ARRB1: variants seen among roughly 807,000 people sequenced by gnomAD.
ARRB1 encodes the protein beta-arrestin-1.
ARRB1 carries 21 observed loss-of-function variants against 56.8 expected under a neutral mutation model. The ratio of observed to expected loss-of-function variants is 0.37; its 90% CI spans 0.26 to 0.53. ARRB1 has a LOEUF of 0.53. ARRB1 is among the 20% of genes least tolerant of loss of function. The pLI, the probability that ARRB1 is intolerant of heterozygous loss-of-function variation, is 0.88. For synonymous variants in ARRB1, 210 were observed against 218.6 expected, an observed-to-expected ratio of 0.96 and a Z score of 0.35; for missense variants, 424 against 553.7, an observed-to-expected ratio of 0.77 and a Z score of 2.35.
At chr11:75,343,588 GAGCCAC>G (rs1473065244) in intron 1 of ARRB1, among the ~76,000 whole-genome samples, 1 of 152,108 alleles carries the variant, frequency 6.6e-6, no homozygotes, top group Non-Finnish European at 1.5e-5. Flanking sequence ...ACAGATAAGG[GAGCCAC>G]AGCAGAGAAA....
At position 75,261,162 on chromosome 11, in the gene ARRB1, A is replaced by C. The variant is rs1945778552; in HGVS notation, c.*5001T>G. 6.6e-6 allele frequency: 1 copy of C among 151,258 alleles called. No individual in the cohort carries two copies. The highest frequency in any genetic ancestry group is 1.5e-5 in the Non-Finnish European group (1 of 68,336). 9.4% of individuals were successfully genotyped at this position (151,258 alleles called of 1,614,324 possible). On this transcript the variant is annotated 3_prime_UTR_variant, in exon 16 of 16. Coordinates refer to ENST00000420843, the MANE Select transcript of ARRB1 (RefSeq NM_004041.5). The stretch of plus-strand genomic sequence containing the variant: ...CAGAGCTTCAGGGTGGGTTGGCTAG[A>C]AAAACCATCAACTATGTACGTGTGT...
intron 2 of ARRB1, among the ~76,000 whole-genome samples, chr11:75,288,750 G>A (rs558665211): frequency 1.3e-5 from 2 of 151,916 alleles, no homozygotes; most frequent in South Asian, 4.2e-4. Flanking sequence ...CAAATAGCTG[G>A]AACTACAGGC....
Position 75,277,270 on chromosome 11 carries a change from A to G in ARRB1, c.703+94T>C, listed in dbSNP as rs948558704. ...GGGCTTCAGTGGCTATTTTTTATACAAGGCTGTTAACAAGGGGAGATACTT... is the reference window on the plus strand; with the variant it reads ...GGGCTTCAGTGGCTATTTTTTATACGAGGCTGTTAACAAGGGGAGATACTT... On this transcript the variant is annotated intron_variant, in intron 9 of 15. Coordinates refer to ENST00000420843, the MANE Select transcript of ARRB1 (RefSeq NM_004041.5). 28 of 1,286,386 alleles carry G rather than the reference A, an allele frequency of 2.2e-5. No individual in the cohort carries two copies. In the African/African-American group the frequency reaches 3.5e-4, roughly 16 times the overall value. 79.7% of individuals were successfully genotyped at this position (1,286,386 alleles called of 1,614,324 possible).
At chr11:75,273,902 T>C (rs1029785299) in intron 11 of ARRB1, among the ~76,000 whole-genome samples, 172 bp downstream of exon 11, 4 of 151,824 alleles carry the variant, frequency 2.6e-5, no homozygotes, top group African/African-American at 4.8e-5. Flanking sequence ...CTGGGTAGGG[T>C]TGGGAGTAAG....
intron 1 of ARRB1, among the ~76,000 whole-genome samples, chr11:75,337,984 A>C (rs749252241): frequency 6.6e-6 from 1 of 152,022 alleles, no homozygotes; most frequent in Admixed American, 6.6e-5. Context: ...CACCAGAGGA[A>C]GAAGGGCATT....
intron 1 of ARRB1, among the ~76,000 whole-genome samples, chr11:75,350,840 C>T (rs1299732363): frequency 6.6e-6 from 1 of 152,164 alleles, no homozygotes; most frequent in African/African-American, 2.4e-5. Context: ...CACTTCTGGC[C>T]ATGTGGGGCC....
chr11:75,271,631 G>A, intron 13 of ARRB1, 70 bp downstream of exon 13: 1 of 1,476,104 alleles, frequency 6.8e-7, no homozygotes, highest in South Asian at 1.3e-5. Flanking sequence ...CTGTGATTCT[G>A]GTCAGTCAAG....
intron 1 of ARRB1, among the ~76,000 whole-genome samples, chr11:75,299,288 T>C (rs1224542683): frequency 6.6e-6 from 1 of 151,352 alleles, no homozygotes; most frequent in Non-Finnish European, 1.5e-5. Flanking sequence ...AAAGGAAATG[T>C]GCCTAAATAC....
Position 75,281,142 on chromosome 11 carries a change from C to A in ARRB1, c.415G>T (p.Ala139Ser), listed in dbSNP as rs1401352474. The A allele has an allele frequency of 6.3e-7, 1 of 1,594,688 alleles. No individual in the cohort carries two copies. Among genetic ancestry groups the A allele is most frequent in the Non-Finnish European group, 8.5e-7 (1 of 1,169,796 alleles). Residue 139 changes from alanine to serine, a missense_variant and splice_region_variant, in exon 7 of 16, where the codon GCT becomes TCT. By Grantham distance (99) the Ala-to-Ser change is moderately conservative. This residue lies in a region of ARRB1 where 301 missense variants were observed against 387.9 expected (regional missense o/e 0.78). Transcript: ENST00000420843. ...LQPGPEDTGK[A>S]CGVDYEVKAF... is the part of the protein sequence containing the mutation. ...TTGACTTCATAGTCCACACCGCAAG[C>A]CTGTGGGGAAGGGGTCACTGACCAC...
Position 75,281,949 on chromosome 11 carries a change from T to C in ARRB1, c.414+13A>G. Reference sequence around the variant, plus strand: ...CCTGGAGCCAGAGAGATGGTCCCCTTGGGGTGACCTACCTTCCCCGTGTCT... The same window carrying C: ...CCTGGAGCCAGAGAGATGGTCCCCTCGGGGTGACCTACCTTCCCCGTGTCT... On this transcript the variant is annotated intron_variant, in intron 6 of 15. Coordinates refer to ENST00000420843, the MANE Select transcript of ARRB1 (RefSeq NM_004041.5). 1.2e-6 allele frequency: 2 copies of C among 1,613,702 alleles called. No homozygotes were observed. The highest frequency in any genetic ancestry group is 8.5e-7 in the Non-Finnish European group (1 of 1,179,634).
intron 1 of ARRB1, among the ~76,000 whole-genome samples, chr11:75,291,734 G>A (rs1355577426): frequency 2.0e-5 from 3 of 152,178 alleles, no homozygotes; most frequent in Non-Finnish European, 4.4e-5. Flanking sequence ...AGAGAGGGGA[G>A]GATAGGGACA....
At chr11:75,281,034 C>A (rs1260282035) in intron 7 of ARRB1, 41 bp downstream of exon 7, 2 of 1,576,610 alleles carry the variant, frequency 1.3e-6, no homozygotes, top group Non-Finnish European at 1.7e-6. Context: ...TGTCTCCCTC[C>A]CTCACCCAGC....
Position 75,264,941 on chromosome 11 carries a change from C to G in ARRB1, c.*1222G>C, listed in dbSNP as rs116107836. Reference sequence around the variant, plus strand: ...TCAATCAACCCAACACCAGCTAATGCGTACTGGGTACCCATGACACTGGGA... The same window carrying G: ...TCAATCAACCCAACACCAGCTAATGGGTACTGGGTACCCATGACACTGGGA... On this transcript the variant is annotated 3_prime_UTR_variant, in exon 16 of 16. Transcript: ENST00000420843. 31 of 152,244 alleles carry G rather than the reference C, an allele frequency of 2.0e-4. No homozygotes were observed. Among genetic ancestry groups the G allele is most frequent in the African/African-American group, 6.5e-4 (27 of 41,440 alleles). The allele number at this position is 152,244 out of a possible 1,614,324, so 9.4% of individuals were successfully genotyped here.
chr11:75,311,089 C>A (rs1947145060), intron 1 of ARRB1, among the ~76,000 whole-genome samples: 1 of 152,196 alleles, frequency 6.6e-6, no homozygotes, highest in East Asian at 1.9e-4. Context: ...GTAATCCCAG[C>A]ACTTTGAAAG....
intron 1 of ARRB1, among the ~76,000 whole-genome samples, chr11:75,311,605 C>T (rs1947160931): frequency 6.6e-6 from 1 of 152,192 alleles, no homozygotes; most frequent in Admixed American, 6.5e-5. Flanking sequence ...TCTCGTTTCA[C>T]CCTCTCAAAT....
At chr11:75,273,094 G>C in intron 11 of ARRB1, 116 bp from the exon 12 acceptor site, 2 of 831,324 alleles carry the variant, frequency 2.4e-6, no homozygotes, top group Non-Finnish European at 3.9e-6. Context: ...TAGCCACTCA[G>C]CTACCATGTC....
intron 6 of ARRB1, chr11:75,281,584 A>C (rs774665652): frequency 5.8e-6 from 2 of 342,730 alleles, no homozygotes; most frequent in Non-Finnish European, 1.1e-5. Context: ...AAAGCTCTGG[A>C]GCTAGTGGTG....
At chr11:75,317,070 AAATAAT>A (rs143929998) in intron 1 of ARRB1, among the ~76,000 whole-genome samples, 32 of 152,194 alleles carry the variant, frequency 2.1e-4, no homozygotes, top group African/African-American at 6.0e-4. Flanking sequence ...CTCCGTCTCA[AAATAAT>A]AATAATAATA....
chr11:75,278,782 A>G (rs1441322635), intron 7 of ARRB1, 38 bp from the exon 8 acceptor site: 1 of 1,571,926 alleles, frequency 6.4e-7, no homozygotes, highest in East Asian at 2.3e-5. Context: ...GACCAGGGTC[A>G]CCTGCCTTCA....
Sources: allele counts gnomAD v4.1 joint callset (sites outside exome capture counted in the v4.1 genomes callset), GRCh38; gene constraint gnomAD v4.1.1; regional missense constraint gnomAD v4.1.1; transcripts MANE v1.5; gene names NCBI Gene and HGNC (gene_info 2026-07-23, HGNC 2026-07-21).